NR2C2: variants seen among roughly 807,000 people sequenced by gnomAD.
The protein encoded by NR2C2 is Nuclear hormone receptor TR4.
In NR2C2, 6 loss-of-function variants were observed where a neutral mutation model predicts 62.9. The ratio of observed to expected loss-of-function variants is 0.10; its 90% CI spans 0.05 to 0.19. The LOEUF (loss-of-function observed/expected upper bound fraction) is 0.19. Ranked by LOEUF, NR2C2 falls within the 10% of genes least tolerant of loss-of-function variation. The pLI is 1.00. For missense variants in NR2C2, 479 were observed against 762.7 expected (o/e 0.63, Z 4.38); for synonymous variants, 272 against 273.8 (o/e 0.99, Z 0.07).
chr3:15,031,655 T>A (rs983403146), intron 9 of NR2C2, among the ~76,000 whole-genome samples: 1 of 152,040 alleles, frequency 6.6e-6, no homozygotes. Context: ...TCACATGAGC[T>A]GCTTAGCTCT....
chr3:15,027,196 A>G (rs2041848032), intron 7 of NR2C2, among the ~76,000 whole-genome samples: 1 of 151,802 alleles, frequency 6.6e-6, no homozygotes, highest in Non-Finnish European at 1.5e-5. Context: ...ATGAGGTTTC[A>G]CCATGTTGGG....
chr3:14,948,702 A>G (rs772865667), intron 1 of NR2C2: 1 of 152,438 alleles, frequency 6.6e-6, no homozygotes, highest in Non-Finnish European at 1.5e-5. Context: ...GTCTCGAATG[A>G]GTACTGAGGA....
intron 2 of NR2C2, among the ~76,000 whole-genome samples, chr3:15,006,161 C>T (rs1481950496): frequency 6.6e-6 from 1 of 152,136 alleles, no homozygotes; most frequent in African/African-American, 2.4e-5. Context: ...GAGCTGTGAT[C>T]ATGCCACTGC....
chr3:15,016,604 C>T (rs866089417), intron 4 of NR2C2, among the ~76,000 whole-genome samples: 1 of 152,200 alleles, frequency 6.6e-6, no homozygotes, highest in African/African-American at 2.4e-5. Flanking sequence ...CCCCCTTCAT[C>T]CTAACTGTAA....
At chr3:14,983,462 TACACACACACACACAC>T (rs34788861) in intron 1 of NR2C2, among the ~76,000 whole-genome samples, 3 of 146,776 alleles carry the variant, frequency 2.0e-5, no homozygotes, top group South Asian at 2.2e-4. Flanking sequence ...ATACTCTTTA[TACACACACACACACAC>T]ACACACACAC....
chr3:14,997,999 C>T (rs1029736759), intron 1 of NR2C2, among the ~76,000 whole-genome samples: 1 of 152,146 alleles, frequency 6.6e-6, no homozygotes, highest in African/African-American at 2.4e-5. Context: ...TTTCTGTCCC[C>T]ATGGATTTGC....
intron 1 of NR2C2, among the ~76,000 whole-genome samples, chr3:14,964,795 T>C (rs2039793366): frequency 2.0e-5 from 3 of 152,164 alleles, no homozygotes; most frequent in Admixed American, 2.0e-4. Flanking sequence ...GTGCTGGGAT[T>C]ACAGGCGTGA....
chr3:15,000,626 T>G (rs1215297113), intron 1 of NR2C2, among the ~76,000 whole-genome samples: 2 of 152,166 alleles, frequency 1.3e-5, no homozygotes, highest in African/African-American at 4.8e-5. Context: ...CCAACTTTGT[T>G]CTTTTTCAAG....
At position 15,030,553 on chromosome 3, in the gene NR2C2, C is replaced by T; in HGVS notation, c.1110+101C>T. 3 of 1,196,262 alleles carry T rather than the reference C, an allele frequency of 2.5e-6. No individual in the cohort carries two copies. The African/African-American group carries it at 4.7e-5, about 19-fold the overall frequency. 74.1% of individuals were successfully genotyped at this position (1,196,262 alleles called of 1,614,324 possible). On this transcript the variant is annotated intron_variant, in intron 9 of 13. Transcript: ENST00000425241. The stretch of plus-strand genomic sequence containing the variant: ...TTAAAAATCAAACCTTGGGGCCAGG[C>T]ATAGTGGCTCATGCCTGTAATCTTA...
intron 1 of NR2C2, chr3:14,948,706 C>T (rs2039235256): frequency 6.6e-6 from 1 of 152,426 alleles, no homozygotes; most frequent in Non-Finnish European, 1.5e-5. Context: ...CGAATGAGTA[C>T]TGAGGAACAA....
chr3:15,008,608 C>T (rs562552342), intron 2 of NR2C2, among the ~76,000 whole-genome samples: 63 of 151,856 alleles, frequency 4.1e-4, no homozygotes, highest in Non-Finnish European at 8.4e-4. Context: ...CATTGGCAGG[C>T]TCTTCTTTGC....
chr3:14,971,774 C>T (rs368622078), intron 1 of NR2C2, among the ~76,000 whole-genome samples: 9 of 150,074 alleles, frequency 6.0e-5, no homozygotes, highest in African/African-American at 1.7e-4. Context: ...TGTTGTTGTT[C>T]ACATTAAAAA....
intron 1 of NR2C2, among the ~76,000 whole-genome samples, chr3:14,987,215 TG>T (rs1254847433): frequency 6.6e-6 from 1 of 152,174 alleles, no homozygotes; most frequent in African/African-American, 2.4e-5. Context: ...CCCAAGTAGC[TG>T]GGACTGCAGG....
At position 15,044,095 on chromosome 3, in the gene NR2C2, G is replaced by A. The variant is rs940488011; in HGVS notation, c.*1087G>A. 6 of 152,222 alleles carry A rather than the reference G, an allele frequency of 3.9e-5. No individual in the cohort carries two copies. The highest frequency in any genetic ancestry group is 1.2e-4 in the African/African-American group (5 of 41,454). The allele number at this position is 152,222 out of a possible 1,614,324, so 9.4% of individuals were successfully genotyped here. On this transcript the variant is annotated 3_prime_UTR_variant, in exon 14 of 14. Transcript: ENST00000425241. ...AAATGCCCCCTTGAAAAGGGCTCGTGTTTCTGCAGCTCCATCATAACTGTG... is the reference window on the plus strand; with the variant it reads ...AAATGCCCCCTTGAAAAGGGCTCGTATTTCTGCAGCTCCATCATAACTGTG...
intron 1 of NR2C2, chr3:14,948,309 C>T (rs2039204800): frequency 6.6e-6 from 1 of 152,560 alleles, no homozygotes; most frequent in East Asian, 1.9e-4. Context: ...GGGATTTTCA[C>T]CCCTCCGCTT....
intron 11 of NR2C2, among the ~76,000 whole-genome samples, chr3:15,037,412 T>C (rs2125083368): frequency 6.6e-6 from 1 of 152,248 alleles, no homozygotes; most frequent in African/African-American, 2.4e-5. Context: ...ATACTGCCAG[T>C]AAAATATTGT....
At position 15,013,780 on chromosome 3, in the gene NR2C2, C is replaced by A. The variant is rs754933975; in HGVS notation, c.264C>A (p.Gly88=). ...IFTTSDNLVP[G]RIQIVTDSAS... ...CCACCTCAGACAACCTCGTCCCTGG[C>A]AGGATCCAGGTAAGGCCTTTGGACA... Residue 88 remains glycine (G), a synonymous_variant, in exon 3 of 14, where the codon GGC becomes GGA. Transcript: ENST00000425241. 2.9e-5 allele frequency: 47 copies of A among 1,614,048 alleles called. No individual in the cohort carries two copies. Among genetic ancestry groups the A allele is most frequent in the Non-Finnish European group, 3.7e-5 (44 of 1,180,008 alleles).
intron 1 of NR2C2, among the ~76,000 whole-genome samples, chr3:14,995,774 T>TG (rs2040815777): frequency 6.6e-6 from 1 of 152,154 alleles, no homozygotes; most frequent in African/African-American, 2.4e-5. Context: ...TCAAAGAGAC[T>TG]GCACCATTTT....
chr3:15,036,437 C>T (rs931767053), intron 11 of NR2C2, among the ~76,000 whole-genome samples: 6 of 151,462 alleles, frequency 4.0e-5, no homozygotes, highest in African/African-American at 9.7e-5. Context: ...GCCCAGGATT[C>T]GAAGTAACAC....
Sources: gnomAD v4.1 joint callset for allele counts (sites outside exome capture counted in the v4.1 genomes callset) on GRCh38, gnomAD v4.1.1 for gene constraint, MANE v1.5 for transcripts, NCBI Gene and HGNC (gene_info 2026-07-23, HGNC 2026-07-21) for gene names.